The following QTGAL variants were observed in gnomAD, a reference collection of about 807,000 sequenced individuals.
QTGAL encodes the protein queuosine-tRNA galactosyltransferase, also known as BGnT-like protein 1.
the QTGAL span, chr17:83,014,401 A>G: frequency 1.3e-6 from 2 of 1,578,538 alleles, no homozygotes; most frequent in South Asian, 1.1e-5. Context: ...TTAAAAAACC[A>G]CAGTGGTAAT....
the QTGAL span, among the ~76,000 whole-genome samples, chr17:82,980,718 C>T: frequency 2.0e-5 from 3 of 152,204 alleles, no homozygotes; most frequent in Admixed American, 1.3e-4. Flanking sequence ...GCCCAACACC[C>T]TCCAGGACCC....
At chr17:83,016,096 T>C in the QTGAL span, among the ~76,000 whole-genome samples, 1 of 152,156 alleles carries the variant, frequency 6.6e-6, no homozygotes, top group South Asian at 2.1e-4. Context: ...TACACAAATA[T>C]TTGCTTCATA....
At chr17:83,030,084 G>A in the QTGAL span, among the ~76,000 whole-genome samples, 1 of 152,208 alleles carries the variant, frequency 6.6e-6, no homozygotes, top group African/African-American at 2.4e-5. Context: ...TGAGGAGAAT[G>A]TGTCCTGAAC....
At chr17:83,005,652 A>T in the QTGAL span, 22 of 703,456 alleles carry the variant, frequency 3.1e-5, no homozygotes, top group Non-Finnish European at 5.4e-5. This position sits in a 1 kb window ranked among gnomAD's most constrained non-coding sequence, Gnocchi z 5.6. Flanking sequence ...TGCTCCATTC[A>T]GCTCAGGAAA....
chr17:82,958,496 G>A, the QTGAL span, among the ~76,000 whole-genome samples: 2 of 152,164 alleles, frequency 1.3e-5, no homozygotes, highest in African/African-American at 4.8e-5. Context: ...GCAGGATTTC[G>A]CTGTTCTACG....
At chr17:82,962,506 A>AGGTATTTTCTTTAATTTTCTGTGTC in the QTGAL span, among the ~76,000 whole-genome samples, 1 of 144,180 alleles carries the variant, frequency 6.9e-6, no homozygotes, top group Non-Finnish European at 1.6e-5. Flanking sequence ...CACACGGGTG[A>AGGTATTTTCTTTAATTTTCTGTGTC]TTTAGGGTGG....
the QTGAL span, among the ~76,000 whole-genome samples, chr17:82,987,897 C>A: frequency 6.6e-6 from 1 of 152,160 alleles, no homozygotes. Flanking sequence ...TTCTTCCTAT[C>A]CATGAGCATG....
the QTGAL span, among the ~76,000 whole-genome samples, chr17:82,984,914 A>G: frequency 4.6e-5 from 7 of 152,150 alleles, no homozygotes; most frequent in Non-Finnish European, 1.0e-4. Flanking sequence ...TCAAGCTGCC[A>G]GGACCTCTGA....
chr17:82,959,467 T>C, the QTGAL span, among the ~76,000 whole-genome samples: 5 of 151,074 alleles, frequency 3.3e-5, no homozygotes, highest in East Asian at 7.8e-4. Context: ...ACGTGCAGTG[T>C]GTGTGTGTGT....
chr17:82,971,409 T>C, the QTGAL span, among the ~76,000 whole-genome samples: 1 of 151,790 alleles, frequency 6.6e-6, no homozygotes. Flanking sequence ...GCCCGGCGAG[T>C]CCTCCAAGCA....
At chr17:83,035,163 G>C in the QTGAL span, 2 of 1,367,484 alleles carry the variant, frequency 1.5e-6, no homozygotes, top group South Asian at 1.2e-5. Context: ...CTCTTTCATA[G>C]AGCTTAGTAT....
the QTGAL span, among the ~76,000 whole-genome samples, chr17:83,010,368 T>C: frequency 6.6e-6 from 1 of 152,192 alleles, no homozygotes; most frequent in South Asian, 2.1e-4. Context: ...AGTGTGACCC[T>C]GTCACTCCCT....
At chr17:82,982,286 C>T in the QTGAL span, among the ~76,000 whole-genome samples, 1 of 152,270 alleles carries the variant, frequency 6.6e-6, no homozygotes, top group African/African-American at 2.4e-5. Context: ...ATCTCCAAAA[C>T]ATTTTCCAAT....
the QTGAL span, among the ~76,000 whole-genome samples, chr17:82,989,813 A>C: frequency 3.9e-5 from 6 of 152,350 alleles, 1 homozygote; most frequent in South Asian, 1.2e-3. Context: ...TAGAAAAAAC[A>C]AACAAAAATA....
chr17:82,978,530 T>A, the QTGAL span: 3 of 152,302 alleles, frequency 2.0e-5, no homozygotes. This position sits in a 1 kb window ranked among gnomAD's most constrained non-coding sequence, Gnocchi z 4.8. Flanking sequence ...TCCCTCTGAC[T>A]GTGCTTGGGC....
chr17:82,963,407 C>T, the QTGAL span, among the ~76,000 whole-genome samples: 1 of 152,150 alleles, frequency 6.6e-6, no homozygotes, highest in Non-Finnish European at 1.5e-5. Flanking sequence ...AGCCAGGGCC[C>T]AGCGATTGGA....
the QTGAL span, chr17:83,007,119 T>G: frequency 1.4e-6 from 1 of 736,210 alleles, no homozygotes; most frequent in Non-Finnish European, 1.7e-6. Flanking sequence ...TGTCTTTTCA[T>G]GTATTTTGCT....
the QTGAL span, chr17:82,956,808 G>C: frequency 5.7e-5 from 89 of 1,554,492 alleles, no homozygotes; most frequent in Non-Finnish European, 7.5e-5. This position sits in a 1 kb window ranked among gnomAD's most constrained non-coding sequence, Gnocchi z 5.7. Flanking sequence ...CCCGAGCCTG[G>C]AGCTTGTCCC....
the QTGAL span, among the ~76,000 whole-genome samples, chr17:83,050,076 T>C: frequency 6.6e-6 from 1 of 152,136 alleles, no homozygotes; most frequent in African/African-American, 2.4e-5. Flanking sequence ...TTAATAAGAA[T>C]AAAACGAGTT....
Sources: allele counts gnomAD v4.1 joint callset (sites outside exome capture counted in the v4.1 genomes callset), GRCh38; gene constraint gnomAD v4.1.1; non-coding constraint Gnocchi (gnomAD v3.1); transcripts MANE v1.5; gene names NCBI Gene and HGNC (gene_info 2026-07-23, HGNC 2026-07-21).